The following PICALM variants were observed in gnomAD, a reference collection of about 807,000 sequenced individuals.
PICALM encodes phosphatidylinositol-binding clathrin assembly protein.
Under a neutral mutation model 80.5 loss-of-function variants are expected in PICALM, and 40 were observed. The ratio of observed to expected loss-of-function variants is 0.50; its 90% CI spans 0.39 to 0.65. The LOEUF (loss-of-function observed/expected upper bound fraction) is 0.65. PICALM is among the 30% of genes least tolerant of loss of function. PICALM has a pLI of 0.00. For missense variants in PICALM, 676 were observed against 778.9 expected (o/e 0.87, Z 1.57); for synonymous variants, 288 against 260.3 (o/e 1.11, Z -1.02).
intron 1 of PICALM, among the ~76,000 whole-genome samples, chr11:86,061,050 C>T (rs761931946): frequency 3.3e-5 from 5 of 152,076 alleles, no homozygotes; most frequent in East Asian, 3.9e-4. Flanking sequence ...ATTTGATAGC[C>T]GGGCTCAGTG....
intron 14 of PICALM, among the ~76,000 whole-genome samples, chr11:85,982,577 G>A (rs367620999): frequency 8.2e-5 from 12 of 146,600 alleles, no homozygotes; most frequent in East Asian, 3.9e-4. Flanking sequence ...ACAGGCGCCC[G>A]CCACCGCGCC....
At chr11:86,008,220 C>T (rs1435430993) in intron 7 of PICALM, among the ~76,000 whole-genome samples, 1 of 152,126 alleles carries the variant, frequency 6.6e-6, no homozygotes, top group Admixed American at 6.6e-5. Flanking sequence ...TATTCTAGCA[C>T]CCCAATTAGA....
Position 86,012,369 on chromosome 11 carries a change from ATTTG to A in PICALM, c.566_569del (p.Thr189MetfsTer3), listed in dbSNP as rs1363946445. ...GCATGAAGGCAGCATTTATTACCCC[ATTTG>A]TAAGTTCATTGCTATTAACCTAGGG... On this transcript the variant is annotated frameshift_variant, in exon 6 of 20. Transcript: ENST00000393346. LOFTEE classifies it high-confidence loss of function. 3 of 1,607,336 alleles carry A rather than the reference ATTTG, an allele frequency of 1.9e-6. No homozygotes were observed. Among genetic ancestry groups the A allele is most frequent in the Non-Finnish European group, 2.6e-6 (3 of 1,174,782 alleles).
intron 8 of PICALM, 92 bp downstream of exon 8, chr11:86,007,449 CT>C: frequency 1.4e-6 from 1 of 732,478 alleles, no homozygotes; most frequent in East Asian, 2.8e-5. Context: ...GCATTGATCC[CT>C]TTGACAATGG....
intron 8 of PICALM, among the ~76,000 whole-genome samples, chr11:86,004,513 GT>G (rs538063701): frequency 5.9e-4 from 86 of 145,344 alleles, no homozygotes; most frequent in Middle Eastern, 3.6e-3. Flanking sequence ...GAATACTTAC[GT>G]TTTTTTTTTT....
At chr11:86,024,339 T>G (rs1407442735) in intron 3 of PICALM, among the ~76,000 whole-genome samples, 1 of 150,934 alleles carries the variant, frequency 6.6e-6, no homozygotes, top group Non-Finnish European at 1.5e-5. Context: ...TAAATTCTTT[T>G]TAAGCAATAC....
rs564745491 is a variant in PICALM at position 85,991,872 on chromosome 11, T to C, written c.1259-1473A>G. On this transcript the variant is annotated intron_variant, in intron 12 of 19. Coordinates refer to ENST00000393346, the MANE Select transcript of PICALM (RefSeq NM_007166.4). ...CGGTGGGTTTTTTTGTTTTCTTCTT[T>C]TTGAGAGTGGGTCTTGCTCTGTTGC... Among the ~76,000 whole-genome samples the C allele has an allele frequency of 1.6e-4, 24 of 152,288 alleles. No homozygotes were observed. In the East Asian group the frequency reaches 4.2e-3, roughly 27 times the overall value.
intron 1 of PICALM, among the ~76,000 whole-genome samples, chr11:86,060,304 C>T (rs2096339142): frequency 6.6e-6 from 1 of 152,138 alleles, no homozygotes; most frequent in Admixed American, 6.5e-5. Context: ...CTGTTAGAAA[C>T]TGAAACTGAT....
At chr11:85,961,379 T>G (rs2093683215) in intron 19 of PICALM, among the ~76,000 whole-genome samples, 1 of 152,230 alleles carries the variant, frequency 6.6e-6, no homozygotes, top group Non-Finnish European at 1.5e-5. Context: ...GGTCACCTAC[T>G]GTAACTGTCC....
chr11:85,964,883 T>C (rs747162832), intron 19 of PICALM, among the ~76,000 whole-genome samples: 1 of 152,216 alleles, frequency 6.6e-6, no homozygotes, highest in Non-Finnish European at 1.5e-5. Context: ...AAGCTCCATA[T>C]AAAAACAGTC....
At chr11:86,051,545 C>A (rs2096187547) in intron 1 of PICALM, among the ~76,000 whole-genome samples, 1 of 152,114 alleles carries the variant, frequency 6.6e-6, no homozygotes, top group Non-Finnish European at 1.5e-5. Context: ...CTCACAGTCC[C>A]AGCTACTTGG....
rs758665305 is a variant in PICALM, at chr11:85,990,410, CA to C, written c.1259-12del. 1,687 of 1,537,552 alleles carry C rather than the reference CA, an allele frequency of 1.1e-3. 1 individual carries two copies. The highest frequency in any genetic ancestry group is 1.4e-3 in the Non-Finnish European group (1,565 of 1,129,736). Reference sequence around the variant, plus strand: ...TAGCAGAGAAAGGATCTGTGCAGTCCAAATGTATTATAGCAAAATGAAGAAA... The same window carrying C: ...TAGCAGAGAAAGGATCTGTGCAGTCCAATGTATTATAGCAAAATGAAGAAA... On this transcript the variant is annotated splice_polypyrimidine_tract_variant and intron_variant, in intron 12 of 19. Coordinates refer to ENST00000393346, the MANE Select transcript of PICALM (RefSeq NM_007166.4).
upstream of PICALM, chr11:86,069,703 T>C (rs995917596): frequency 6.6e-6 from 1 of 152,204 alleles, no homozygotes; most frequent in African/African-American, 2.4e-5. Context: ...CTATTGAAGC[T>C]CTCCTTATTT....
rs770461695 is a variant in PICALM at position 85,981,991 on chromosome 11, A to G, written c.1529T>C (p.Leu510Pro). Reference sequence around the variant, plus strand: ...CACTGTTGGTTTGAGAAGTCCACCTAGTTCATCAAAGCCTTAAAGTTACAA... The same window carrying G: ...CACTGTTGGTTTGAGAAGTCCACCTGGTTCATCAAAGCCTTAAAGTTACAA... ...VIVDSGGFDELGGLLKPTVAS... is the reference protein window; with the variant it reads ...VIVDSGGFDEPGGLLKPTVAS... Residue 510 changes from leucine (L) to proline (P), a missense_variant, in exon 15 of 20, where the codon CTA (leucine) becomes CCA (proline). Coordinates refer to ENST00000393346, the MANE Select transcript of PICALM (RefSeq NM_007166.4). 4 of 1,613,306 alleles carry G rather than the reference A, an allele frequency of 2.5e-6. No individual in the cohort carries two copies. In the Admixed American group the frequency reaches 6.7e-5, roughly 27 times the overall value.
chr11:85,992,050 C>T (rs12787412), intron 12 of PICALM, among the ~76,000 whole-genome samples: 14,761 of 152,100 alleles, frequency 0.097, 880 homozygotes, highest in Admixed American at 0.14. Context: ...TGCTATGATA[C>T]CAACGCTAGT....
chr11:86,023,171 A>T (rs889560382), intron 3 of PICALM, among the ~76,000 whole-genome samples: 2 of 152,188 alleles, frequency 1.3e-5, no homozygotes, highest in African/African-American at 2.4e-5. Context: ...GAAGTCTATA[A>T]ATTTTTGCTC....
chr11:86,044,901 C>A (rs1204967013), intron 1 of PICALM, among the ~76,000 whole-genome samples: 6 of 152,242 alleles, frequency 3.9e-5, no homozygotes, highest in Non-Finnish European at 8.8e-5. Flanking sequence ...CACACACCCC[C>A]TGCCAGTCTG....
At position 86,054,397 on chromosome 11, in the gene PICALM, A is replaced by G. The variant is rs2096239229; in HGVS notation, c.130+14254T>C. Among the ~76,000 whole-genome samples, 5 of 152,194 alleles carry G rather than the reference A, an allele frequency of 3.3e-5. No individual in the cohort carries two copies. In the South Asian group the frequency reaches 1.0e-3, roughly 31 times the overall value. On this transcript the variant is annotated intron_variant, in intron 1 of 19. Transcript: ENST00000393346. ...CTCTAAAATGAAGACGGAGGATGGC[A>G]CTGAAGAGCCCAGAGTTTATCAAGA...
At chr11:86,007,445 A>T in intron 8 of PICALM, 97 bp downstream of exon 8, 1 of 707,758 alleles carries the variant, frequency 1.4e-6, no homozygotes, top group Non-Finnish European at 2.6e-6. Context: ...AACTGCATTG[A>T]TCCCTTTGAC....
Sources: gnomAD v4.1 joint callset for allele counts (sites outside exome capture counted in the v4.1 genomes callset) on GRCh38, gnomAD v4.1.1 for gene constraint, MANE v1.5 for transcripts, NCBI Gene and HGNC (gene_info 2026-07-23, HGNC 2026-07-21) for gene names.